The following GPR39 variants were observed in gnomAD, a reference collection of about 807,000 sequenced individuals.
GPR39 encodes zinc sensing receptor.
A neutral mutation model predicts 18.4 loss-of-function variants in GPR39; 23 were observed. That is an observed-to-expected ratio of 1.25 (90% CI 0.90 to 1.77). The LOEUF (loss-of-function observed/expected upper bound fraction) is 1.77. GPR39 is among the 40% of genes most tolerant of loss of function. The probability of loss-of-function intolerance (pLI) is 0.00; values close to 1 mark genes in which losing one functional copy is unlikely to be tolerated. For synonymous variants in GPR39, 280 were observed against 257.9 expected, an observed-to-expected ratio of 1.09 and a Z score of -0.82; for missense variants, 647 against 602.4, an observed-to-expected ratio of 1.07 and a Z score of -0.78.
chr2:132,614,090 TCC>T, intron 1 of GPR39, among the ~76,000 whole-genome samples: 1 of 152,266 alleles, frequency 6.6e-6, no homozygotes, highest in South Asian at 2.1e-4. Context: ...AGTTTGAATT[TCC>T]CTTTGCCCAG....
At chr2:132,625,359 T>A (rs973032125) in intron 1 of GPR39, among the ~76,000 whole-genome samples, 5 of 152,304 alleles carry the variant, frequency 3.3e-5, no homozygotes, top group South Asian at 2.1e-4. Context: ...TTCTTGTTGT[T>A]TTGTAGGAAT....
intron 1 of GPR39, among the ~76,000 whole-genome samples, chr2:132,597,674 G>A (rs976659997): frequency 2.6e-5 from 4 of 152,204 alleles, no homozygotes; most frequent in Admixed American, 6.5e-5. Flanking sequence ...CATTTGGCAT[G>A]TAGTCTCACC....
At position 132,514,481 on chromosome 2, in the gene GPR39, A is replaced by G. The variant is rs540062720; in HGVS notation, c.856+96583A>G. Reference sequence around the variant, plus strand: ...AGCTGAATTTATCTACATCTTTCCCACCTCACCCCTCCTTGAGGTGTGGCT... The same window carrying G: ...AGCTGAATTTATCTACATCTTTCCCGCCTCACCCCTCCTTGAGGTGTGGCT... On this transcript the variant is annotated intron_variant, in intron 1 of 1. Coordinates refer to ENST00000329321, the MANE Select transcript of GPR39 (RefSeq NM_001508.3). Among the ~76,000 whole-genome samples the G allele has an allele frequency of 2.0e-5, 3 of 151,750 alleles. No homozygotes were observed. In the South Asian group the frequency reaches 6.3e-4, roughly 32 times the overall value.
intron 1 of GPR39, among the ~76,000 whole-genome samples, chr2:132,642,816 G>A (rs889024854): frequency 2.6e-5 from 4 of 152,064 alleles, no homozygotes; most frequent in African/African-American, 7.3e-5. Context: ...CCATATTCTG[G>A]GCAATAACTC....
intron 1 of GPR39, among the ~76,000 whole-genome samples, chr2:132,426,006 T>A (rs907327666): frequency 6.6e-6 from 1 of 152,198 alleles, no homozygotes; most frequent in African/African-American, 2.4e-5. Flanking sequence ...GCCACTAAAT[T>A]TTTGATAATT....
At chr2:132,503,453 G>A (rs527899257) in intron 1 of GPR39, among the ~76,000 whole-genome samples, 55 of 152,340 alleles carry the variant, frequency 3.6e-4, no homozygotes, top group African/African-American at 1.3e-3. Context: ...GTGGATACCA[G>A]CACCTGCTTT....
At chr2:132,591,278 C>A (rs55650749) in intron 1 of GPR39, among the ~76,000 whole-genome samples, 10,404 of 40,612 alleles carry the variant, frequency 0.26, 1,583 homozygotes, top group East Asian at 0.54. Context: ...AAAAAAAAAA[C>A]AAAAAAAAAC....
At chr2:132,542,390 A>G (rs1351192626) in intron 1 of GPR39, among the ~76,000 whole-genome samples, 2 of 152,192 alleles carry the variant, frequency 1.3e-5, no homozygotes, top group African/African-American at 4.8e-5. Flanking sequence ...CTATTCTGTG[A>G]CCTTGCACAA....
intron 1 of GPR39, among the ~76,000 whole-genome samples, chr2:132,601,911 CA>C (rs1255621526): frequency 2.0e-5 from 3 of 151,412 alleles, no homozygotes; most frequent in Non-Finnish European, 4.4e-5. Context: ...AACTTGAAGA[CA>C]AAAAAATTGG....
intron 1 of GPR39, among the ~76,000 whole-genome samples, chr2:132,483,657 C>T (rs1681277773): frequency 1.3e-5 from 2 of 152,122 alleles, no homozygotes; most frequent in South Asian, 2.1e-4. Flanking sequence ...TGTTTTAGTC[C>T]AGGACACAGT....
Position 132,570,691 on chromosome 2 carries a change from C to T in GPR39, c.857-74410C>T, listed in dbSNP as rs192746769. On this transcript the variant is annotated intron_variant, in intron 1 of 1. Coordinates refer to ENST00000329321, the MANE Select transcript of GPR39 (RefSeq NM_001508.3). ...TGCCCCTCCACTCCTCCCAGCCTTCCTAGCCCTCGGCAGTGTGGCTTCCTC... is the reference window on the plus strand; with the variant it reads ...TGCCCCTCCACTCCTCCCAGCCTTCTTAGCCCTCGGCAGTGTGGCTTCCTC... 4.6e-5 allele frequency among the ~76,000 whole-genome samples: 7 copies of T among 152,292 alleles called. No homozygotes were observed. The East Asian group carries it at 1.4e-3, about 29-fold the overall frequency.
intron 1 of GPR39, among the ~76,000 whole-genome samples, chr2:132,567,447 G>A (rs1680370138): frequency 6.6e-6 from 1 of 152,146 alleles, no homozygotes; most frequent in Non-Finnish European, 1.5e-5. Flanking sequence ...GCACAAGCAG[G>A]GTCTGTTATA....
At chr2:132,448,716 T>C (rs1269569707) in intron 1 of GPR39, among the ~76,000 whole-genome samples, 1 of 152,200 alleles carries the variant, frequency 6.6e-6, no homozygotes, top group Admixed American at 6.5e-5. Context: ...GATACTTTAT[T>C]TCATATTTTA....
chr2:132,435,242 ACCT>A (rs1321485789), intron 1 of GPR39, among the ~76,000 whole-genome samples: 1 of 151,830 alleles, frequency 6.6e-6, no homozygotes, highest in African/African-American at 2.4e-5. Flanking sequence ...CTCCCCGCAC[ACCT>A]CCTTCACCCC....
intron 1 of GPR39, among the ~76,000 whole-genome samples, chr2:132,625,238 A>T (rs1032462464): frequency 2.6e-5 from 4 of 152,058 alleles, no homozygotes; most frequent in African/African-American, 9.7e-5. Flanking sequence ...ATGACTCCTG[A>T]TGAGGGACAT....
At chr2:132,488,119 C>T (rs1315796454) in intron 1 of GPR39, among the ~76,000 whole-genome samples, 2 of 152,094 alleles carry the variant, frequency 1.3e-5, no homozygotes, top group African/African-American at 2.4e-5. Context: ...GACAAATTTG[C>T]TTACTTCTTT....
At chr2:132,497,042 T>C (rs1681654013) in intron 1 of GPR39, among the ~76,000 whole-genome samples, 1 of 152,236 alleles carries the variant, frequency 6.6e-6, no homozygotes, top group African/African-American at 2.4e-5. Flanking sequence ...GATTATCTGA[T>C]GATGTCCTTA....
At chr2:132,447,963 G>A (rs182100092) in intron 1 of GPR39, among the ~76,000 whole-genome samples, 2 of 152,284 alleles carry the variant, frequency 1.3e-5, no homozygotes, top group East Asian at 3.9e-4. Flanking sequence ...GCAAAGCATG[G>A]TTGGAATTTG....
intron 1 of GPR39, among the ~76,000 whole-genome samples, chr2:132,420,976 T>G (rs1679997613): frequency 6.6e-6 from 1 of 152,200 alleles, no homozygotes; most frequent in Admixed American, 6.5e-5. Flanking sequence ...GTCAGCCCAG[T>G]GACAAATCAG....
Sources: allele counts gnomAD v4.1 joint callset (sites outside exome capture counted in the v4.1 genomes callset), GRCh38; gene constraint gnomAD v4.1.1; transcripts MANE v1.5; gene names NCBI Gene and HGNC (gene_info 2026-07-23, HGNC 2026-07-21).